Variants in HYLS1 observed in about 807,000 individuals in gnomAD.
HYLS1 encodes the protein HYLS1 centriolar and ciliogenesis associated, also known as centriolar and ciliogenesis-associated protein HYLS1.
In HYLS1, 25 loss-of-function variants were observed where a neutral mutation model predicts 29.4. That is an observed-to-expected ratio of 0.85 (90% CI 0.62 to 1.19). The LOEUF (loss-of-function observed/expected upper bound fraction) is 1.19. HYLS1 is among the 50% of genes most tolerant of loss of function. The pLI, the probability that HYLS1 is intolerant of heterozygous loss-of-function variation, is 0.00. For missense variants in HYLS1, 352 were observed against 365.1 expected, an observed-to-expected ratio of 0.96 and a Z score of 0.29; for synonymous variants, 128 against 126.7, an observed-to-expected ratio of 1.01 and a Z score of -0.07.
upstream of HYLS1, among the ~76,000 whole-genome samples, chr11:125,885,074 AAT>A (rs1296735863): frequency 6.6e-5 from 10 of 152,220 alleles, no homozygotes; most frequent in South Asian, 2.1e-4. Flanking sequence ...TACCACTTGC[AAT>A]ATGAAATATT....
intron 2 of HYLS1, chr11:125,896,124 G>A (rs200569151): frequency 1.4e-5 from 22 of 1,614,052 alleles, no homozygotes; most frequent in Non-Finnish European, 1.9e-5. Context: ...GAAATCAAAT[G>A]CACGCTTAGT....
intron 1 of HYLS1, among the ~76,000 whole-genome samples, chr11:125,890,242 G>A (rs117673634): frequency 6.6e-6 from 1 of 152,020 alleles, no homozygotes; most frequent in African/African-American, 2.4e-5. Context: ...ACTGCGCCCA[G>A]CTGTTTGTTA....
chr11:125,884,660 C>G (rs1591489761), upstream of HYLS1, among the ~76,000 whole-genome samples: 1 of 152,118 alleles, frequency 6.6e-6, no homozygotes, highest in East Asian at 1.9e-4. Flanking sequence ...TTAAAAGGTC[C>G]TTTAATTTTT....
chr11:125,895,535 A>C (rs758427069), intron 2 of HYLS1: 1 of 1,614,084 alleles, frequency 6.2e-7, no homozygotes, highest in East Asian at 2.2e-5. Flanking sequence ...TCTGAGCTGC[A>C]TAATCCATGG....
chr11:125,892,660 G>A (rs773221744), intron 2 of HYLS1, among the ~76,000 whole-genome samples: 1 of 152,044 alleles, frequency 6.6e-6, no homozygotes, highest in Non-Finnish European at 1.5e-5. Flanking sequence ...CTGTCCATTT[G>A]CCTCACTAAA....
upstream of HYLS1, among the ~76,000 whole-genome samples, chr11:125,884,549 C>A (rs187124144): frequency 6.6e-6 from 1 of 152,330 alleles, no homozygotes; most frequent in Admixed American, 6.5e-5. Flanking sequence ...GTGGAGCTTG[C>A]AGTGAGCTGA....
upstream of HYLS1, among the ~76,000 whole-genome samples, chr11:125,885,282 C>A (rs2134222567): frequency 6.6e-6 from 1 of 152,102 alleles, no homozygotes; most frequent in Admixed American, 6.5e-5. Context: ...GAAACCCTGT[C>A]TCTACTAAAA....
At position 125,887,746 on chromosome 11, in the gene HYLS1, A is replaced by C. The variant is rs953957132; in HGVS notation, c.-95A>C. On this transcript the variant is annotated 5_prime_UTR_variant, in exon 1 of 3. Transcript: ENST00000425380. Reference sequence around the variant, plus strand: ...GCGACTGGCAGGACGCGGTGCAGAGAGCGGACTTCCGCGACGCGGGTAAGC... The same window carrying C: ...GCGACTGGCAGGACGCGGTGCAGAGCGCGGACTTCCGCGACGCGGGTAAGC... 6.6e-6 allele frequency: 1 copy of C among 152,272 alleles called. No homozygotes were observed. The highest frequency in any genetic ancestry group is 2.4e-5 in the African/African-American group (1 of 41,472). The allele number at this position is 152,272 out of a possible 1,614,324, so 9.4% of individuals were successfully genotyped here. A position where few individuals can be genotyped will look rare whatever the true frequency, so the allele number is the denominator to read the frequency against.
intron 2 of HYLS1, among the ~76,000 whole-genome samples, chr11:125,892,012 A>G (rs1944421774): frequency 6.6e-6 from 1 of 152,216 alleles, no homozygotes; most frequent in African/African-American, 2.4e-5. Flanking sequence ...ATATTTGTAT[A>G]CCTGAAGTCT....
intron 2 of HYLS1, chr11:125,893,715 A>ATTT: frequency 3.1e-5 from 32 of 1,041,738 alleles, no homozygotes; most frequent in Non-Finnish European, 3.5e-5. Context: ...TTGCAAGTAA[A>ATTT]TTTTTTTTTT....
chr11:125,896,453 A>G, intron 2 of HYLS1: 3 of 661,250 alleles, frequency 4.5e-6, no homozygotes, highest in East Asian at 5.5e-5. Context: ...GAATACAAGC[A>G]TTAGCTTTAT....
At chr11:125,896,295 C>A (rs943047262) in intron 2 of HYLS1, 40 of 1,597,856 alleles carry the variant, frequency 2.5e-5, no homozygotes, top group Non-Finnish European at 3.4e-5. Context: ...GATATGACAA[C>A]CCCAGGAATA....
chr11:125,900,397 G>A lies in HYLS1; in HGVS notation c.*129G>A, dbSNP rs1003855440. 6.2e-5 allele frequency: 53 copies of A among 854,112 alleles called. No homozygotes were observed. The East Asian group carries it at 1.2e-3, about 20-fold the overall frequency. The allele number at this position is 854,112 out of a possible 1,614,324, so 52.9% of individuals were successfully genotyped here. A position where few individuals can be genotyped will look rare whatever the true frequency, so the allele number is the denominator to read the frequency against. ...TATGGTAAGGACTTCACCTATCATT[G>A]GTCTTTCCTAGCTATATATCACATT... On this transcript the variant is annotated 3_prime_UTR_variant, in exon 3 of 3. Transcript: ENST00000425380.
At position 125,899,627 on chromosome 11, in the gene HYLS1, C is replaced by G; in HGVS notation, c.259C>G (p.Gln87Glu). ...VPSETVSEASQRLRKPVMKRK... is the reference protein window; with the variant it reads ...VPSETVSEASERLRKPVMKRK... Reference sequence around the variant, plus strand: ...TTCAGAAACAGTCTCTGAGGCCTCCCAAAGACTCCGAAAGCCAGTGATGAA... The same window carrying G: ...TTCAGAAACAGTCTCTGAGGCCTCCGAAAGACTCCGAAAGCCAGTGATGAA... Residue 87 changes from glutamine to glutamate, a missense_variant, in exon 3 of 3, where the codon CAA becomes GAA. Transcript: ENST00000425380. The G allele has an allele frequency of 6.2e-7, 1 of 1,614,150 alleles. No homozygotes were observed. Among genetic ancestry groups the G allele is most frequent in the Non-Finnish European group, 8.5e-7 (1 of 1,180,030 alleles).
At chr11:125,885,985 T>C (rs1235711999), upstream of HYLS1, among the ~76,000 whole-genome samples, 1 of 152,224 alleles carries the variant, frequency 6.6e-6, no homozygotes, top group African/African-American at 2.4e-5. Flanking sequence ...CCACTGATTC[T>C]ACATTACAGT....
intron 2 of HYLS1, chr11:125,894,223 A>G (rs1219219171): frequency 1.2e-6 from 2 of 1,613,596 alleles, no homozygotes; most frequent in Admixed American, 1.7e-5. Flanking sequence ...CCTCCTGGTC[A>G]TAGATCCACT....
intron 2 of HYLS1, chr11:125,893,830 T>C: frequency 6.2e-7 from 1 of 1,614,048 alleles, no homozygotes; most frequent in Non-Finnish European, 8.5e-7. Context: ...CCCTCTTCGT[T>C]GGTGTCTCCA....
At chr11:125,895,164 A>C in intron 2 of HYLS1, 6 of 1,385,108 alleles carry the variant, frequency 4.3e-6, no homozygotes, top group Non-Finnish European at 3.9e-6. Flanking sequence ...CTTGTGCCTC[A>C]AGCGTCCCGA....
intron 1 of HYLS1, among the ~76,000 whole-genome samples, chr11:125,888,509 C>G (rs528452689): frequency 1.3e-5 from 2 of 152,244 alleles, no homozygotes; most frequent in Non-Finnish European, 2.9e-5. Context: ...TGGCTCACGC[C>G]TGTTACCCCA....
Sources: gnomAD v4.1 joint callset for allele counts (sites outside exome capture counted in the v4.1 genomes callset) on GRCh38, gnomAD v4.1.1 for gene constraint, MANE v1.5 for transcripts, NCBI Gene and HGNC (gene_info 2026-07-23, HGNC 2026-07-21) for gene names.